CSNK2A2: variants seen among roughly 807,000 people sequenced by gnomAD.
CSNK2A2 encodes casein kinase 2 alpha 2.
A neutral mutation model predicts 54.0 loss-of-function variants in CSNK2A2; 8 were observed. The observed-to-expected ratio is 0.15, with a 90% CI of 0.09 to 0.27. The LOEUF is 0.27. Among genes scored for constraint, CSNK2A2 ranks in the 10% least tolerant of loss-of-function variants. CSNK2A2 has a pLI of 1.00. For missense variants in CSNK2A2, 242 were observed against 439.4 expected, an observed-to-expected ratio of 0.55 and a Z score of 4.02; for synonymous variants, 141 against 153.9, an observed-to-expected ratio of 0.92 and a Z score of 0.62.
At chr16:58,166,532 C>T (rs1961567248) in intron 9 of CSNK2A2, 52 bp downstream of exon 9, 3 of 1,293,810 alleles carry the variant, frequency 2.3e-6, no homozygotes, top group South Asian at 1.2e-5. Flanking sequence ...GCTAACCTTT[C>T]CACTTCTGAA....
At chr16:58,162,780 G>C (rs1293163058) in intron 11 of CSNK2A2, 1 of 152,040 alleles carries the variant, frequency 6.6e-6, no homozygotes, top group Non-Finnish European at 1.5e-5. Context: ...CCCTATTTTT[G>C]TTTAAACAAA....
At chr16:58,184,812 A>C (rs1023005350) in intron 3 of CSNK2A2, among the ~76,000 whole-genome samples, 2 of 152,292 alleles carry the variant, frequency 1.3e-5, no homozygotes, top group East Asian at 1.9e-4. Context: ...CAGAATTATC[A>C]TAGGTTGTGG....
intron 11 of CSNK2A2, chr16:58,160,451 T>C (rs999751465): frequency 1.3e-5 from 2 of 152,192 alleles, no homozygotes; most frequent in South Asian, 2.1e-4. Context: ...TCAGTTCATA[T>C]AAAAAAACTC....
chr16:58,175,477 G>A (rs1961853944), intron 4 of CSNK2A2, among the ~76,000 whole-genome samples: 1 of 152,118 alleles, frequency 6.6e-6, no homozygotes, highest in South Asian at 2.1e-4. Flanking sequence ...ACAGAACAGT[G>A]TATATAATGT....
intron 2 of CSNK2A2, among the ~76,000 whole-genome samples, chr16:58,194,336 C>G (rs1002872832): frequency 2.0e-5 from 3 of 152,180 alleles, no homozygotes; most frequent in Non-Finnish European, 4.4e-5. Flanking sequence ...GGCTAAAGAC[C>G]TTGTTACCCT....
At chr16:58,172,082 G>A (rs1480071471) in intron 5 of CSNK2A2, among the ~76,000 whole-genome samples, 10 of 146,870 alleles carry the variant, frequency 6.8e-5, no homozygotes, top group Non-Finnish European at 1.0e-4. Context: ...TTGGCCTCCC[G>A]AAGCATTGGG....
At chr16:58,196,078 C>T (rs1275091402) in intron 2 of CSNK2A2, among the ~76,000 whole-genome samples, 1 of 152,180 alleles carries the variant, frequency 6.6e-6, no homozygotes, top group Non-Finnish European at 1.5e-5. Context: ...ACAGCATGCA[C>T]CAAGAGTAAC....
At chr16:58,171,979 A>ATATATATATATT (rs1261137669) in intron 5 of CSNK2A2, among the ~76,000 whole-genome samples, 4 of 66,184 alleles carry the variant, frequency 6.0e-5, no homozygotes, top group African/African-American at 1.7e-4. Context: ...ATATATATAT[A>ATATATATATATT]TTTTTTTTTT....
chr16:58,179,477 G>A (rs1961968885), intron 4 of CSNK2A2, among the ~76,000 whole-genome samples: 1 of 151,392 alleles, frequency 6.6e-6, no homozygotes. Flanking sequence ...CTCCAGCCTG[G>A]GTGAGAGATA....
rs937774563 is a variant in CSNK2A2 at position 58,158,344 on chromosome 16, C to T, written c.*27G>A. On this transcript the variant is annotated 3_prime_UTR_variant, in exon 12 of 12. Transcript: ENST00000262506. ...TCTGCTTATGGAAAAGTGGGAGAAC[C>T]GCAACAGACCTGGGGAAAGAGACGG... 2.0e-5 allele frequency: 3 copies of T among 152,684 alleles called. No individual in the cohort carries two copies. The highest frequency in any genetic ancestry group is 1.9e-4 in the East Asian group (1 of 5,194). 9.5% of individuals were successfully genotyped at this position (152,684 alleles called of 1,614,324 possible).
In CSNK2A2 at chr16:58,158,139, G is replaced by T. The variant is rs1961201325; in HGVS notation, c.*232C>A. ...TTCCCCATGCTTTCTGGGTCGGGAA[G>T]AAGTCAACAGGAAGCCAAAGGCAAG... On this transcript the variant is annotated 3_prime_UTR_variant, in exon 12 of 12. Coordinates refer to ENST00000262506, the MANE Select transcript of CSNK2A2 (RefSeq NM_001896.4). 6.6e-6 allele frequency: 1 copy of T among 152,624 alleles called. No individual in the cohort carries two copies. The highest frequency in any genetic ancestry group is 1.5e-5 in the Non-Finnish European group (1 of 68,066). 9.5% of individuals were successfully genotyped at this position (152,624 alleles called of 1,614,324 possible).
At chr16:58,164,760 T>A (rs1961514574) in intron 10 of CSNK2A2, among the ~76,000 whole-genome samples, 1 of 152,148 alleles carries the variant, frequency 6.6e-6, no homozygotes, top group Admixed American at 6.5e-5. Flanking sequence ...CCATTTGCGG[T>A]CTCCCTTATG....
In CSNK2A2 at chr16:58,196,772, A is replaced by G; in HGVS notation, c.177T>C (p.Asn59=). The part of the protein sequence containing the change: ...GKYSEVFEAI[N]ITNNERVVVK... ...CAACCACTCTCTCATTGTTGGTGAT[A>G]TTAATGGCCTCAAATACTTCACTAT... Residue 59 remains asparagine (N), a synonymous_variant, in exon 2 of 12, where the codon AAT becomes AAC. Coordinates refer to ENST00000262506, the MANE Select transcript of CSNK2A2 (RefSeq NM_001896.4). The G allele has an allele frequency of 6.2e-7, 1 of 1,613,976 alleles. No individual in the cohort carries two copies. The highest frequency in any genetic ancestry group is 8.5e-7 in the Non-Finnish European group (1 of 1,179,854).
intron 2 of CSNK2A2, among the ~76,000 whole-genome samples, chr16:58,195,984 G>A (rs755920203): frequency 5.8e-4 from 89 of 152,268 alleles, no homozygotes; most frequent in Middle Eastern, 3.4e-3. Flanking sequence ...GTGATTATCC[G>A]CTAAGGAATT....
intron 2 of CSNK2A2, among the ~76,000 whole-genome samples, chr16:58,195,964 A>G (rs1962434096): frequency 6.6e-6 from 1 of 152,320 alleles, no homozygotes; most frequent in Non-Finnish European, 1.5e-5. Context: ...CTGCCAAAGG[A>G]AAAAAACAAG....
chr16:58,165,963 T>A (rs574679759), intron 9 of CSNK2A2, among the ~76,000 whole-genome samples: 1 of 152,226 alleles, frequency 6.6e-6, no homozygotes, highest in Non-Finnish European at 1.5e-5. Flanking sequence ...TTCTAGATTA[T>A]TTTTTATGCT....
chr16:58,196,721 T>C lies in CSNK2A2; in HGVS notation c.216+12A>G, dbSNP rs760609326. ...GGAGGAAAATGTTACATACCACTCA[T>C]AGGACACTCACCTTCAGGATTTTTA... On this transcript the variant is annotated intron_variant, in intron 2 of 11. Transcript: ENST00000262506. The C allele has an allele frequency of 3.9e-5, 61 of 1,565,086 alleles. No homozygotes were observed. The highest frequency in any genetic ancestry group is 6.7e-5 in the East Asian group (3 of 44,654).
Position 58,196,782 on chromosome 16 carries a change from T to C in CSNK2A2, c.167A>G (p.Glu56Gly). Residue 56 changes from glutamate to glycine, a missense_variant, in exon 2 of 12, where the codon GAG becomes GGG. Physicochemically the swap from Glu to Gly is moderately conservative, Grantham distance 98. This residue lies in a region of CSNK2A2 where 4 missense variants were observed against 23.3 expected (regional missense o/e 0.17). Transcript: ENST00000262506. ...CTCATTGTTGGTGATATTAATGGCC[T>C]CAAATACTTCACTATATTTTCCCCG... is the stretch of plus-strand genomic sequence containing the variant. ...LGRGKYSEVF[E>G]AINITNNERV... 6.2e-7 allele frequency: 1 copy of C among 1,614,080 alleles called. No individual in the cohort carries two copies. Among genetic ancestry groups the C allele is most frequent in the Non-Finnish European group, 8.5e-7 (1 of 1,179,922 alleles).
intron 2 of CSNK2A2, among the ~76,000 whole-genome samples, chr16:58,187,756 T>G (rs1962227071): frequency 6.6e-6 from 1 of 152,246 alleles, no homozygotes; most frequent in South Asian, 2.1e-4. Context: ...TCATTGTGAT[T>G]CCTCACAAAG....
Sources: allele counts gnomAD v4.1 joint callset (sites outside exome capture counted in the v4.1 genomes callset), GRCh38; gene constraint gnomAD v4.1.1; regional missense constraint gnomAD v4.1.1; transcripts MANE v1.5; gene names NCBI Gene and HGNC (gene_info 2026-07-23, HGNC 2026-07-21).